The following BIRC6 variants were observed in gnomAD, a reference collection of about 807,000 sequenced individuals.
BIRC6 encodes dual E2 ubiquitin-conjugating enzyme/E3 ubiquitin-protein ligase BIRC6.
In BIRC6, 98 loss-of-function variants were observed where a neutral mutation model predicts 503.3. The observed-to-expected ratio is 0.19, with a 90% CI of 0.17 to 0.23. The LOEUF (loss-of-function observed/expected upper bound fraction) is 0.23. Ranked by LOEUF, BIRC6 falls within the 10% of genes least tolerant of loss-of-function variation. The pLI, the probability that BIRC6 is intolerant of heterozygous loss-of-function variation, is 1.00. For missense variants in BIRC6, 5,360 were observed against 5,806.0 expected (o/e 0.92, Z 2.50); for synonymous variants, 2,240 against 2,078.7 (o/e 1.08, Z -2.11).
intron 66 of BIRC6, among the ~76,000 whole-genome samples, chr2:32,592,787 G>T (rs1000394431): frequency 5.3e-5 from 8 of 151,704 alleles, no homozygotes; most frequent in Non-Finnish European, 1.0e-4. Context: ...TAGAGATGGG[G>T]TTTCTCCATG....
chr2:32,460,739 AG>A (rs1470703765), intron 23 of BIRC6, among the ~76,000 whole-genome samples: 1 of 151,806 alleles, frequency 6.6e-6, no homozygotes, highest in African/African-American at 2.4e-5. Context: ...GTTTGCTTGT[AG>A]TGATTCACTT....
Position 32,561,925 on chromosome 2 carries a change from G to T in BIRC6, c.13144+12444G>T, listed in dbSNP as rs150151156. On this transcript the variant is annotated intron_variant, in intron 65 of 73. Coordinates refer to ENST00000421745, the MANE Select transcript of BIRC6 (RefSeq NM_016252.4). ...GGCGTGGTGGTGGGCCCCTGTAATC[G>T]CAGCTACTCGGGAGGCTGAGGCAGG... is the stretch of plus-strand genomic sequence containing the variant. Among the ~76,000 whole-genome samples the T allele has an allele frequency of 5.0e-4, 76 of 151,580 alleles. 1 individual carries two copies. The East Asian group carries it at 0.014, about 27-fold the overall frequency.
At chr2:32,411,023 C>T (rs1180325765) in intron 9 of BIRC6, among the ~76,000 whole-genome samples, 1 of 151,404 alleles carries the variant, frequency 6.6e-6, no homozygotes, top group Non-Finnish European at 1.5e-5. Context: ...TTCAAACCTT[C>T]ATGGAGTCAC....
At chr2:32,543,139 T>C in intron 61 of BIRC6, 102 bp from the exon 62 acceptor site, 1 of 1,273,084 alleles carries the variant, frequency 7.9e-7, no homozygotes. Flanking sequence ...TATTAATCCT[T>C]ATAATCCTAT....
At chr2:32,587,599 C>T (rs913106240) in intron 66 of BIRC6, among the ~76,000 whole-genome samples, 1 of 152,008 alleles carries the variant, frequency 6.6e-6, no homozygotes, top group Non-Finnish European at 1.5e-5. Flanking sequence ...TGGTGTGCAC[C>T]TGTAATCCTA....
intron 42 of BIRC6, 93 bp downstream of exon 42, chr2:32,488,807 G>A (rs182910502): frequency 2.2e-6 from 2 of 908,032 alleles, no homozygotes; most frequent in African/African-American, 1.7e-5. Flanking sequence ...TGTCATTAGG[G>A]GTTATAACAT....
At position 32,509,958 on chromosome 2, in the gene BIRC6, C is replaced by T. The variant is rs745519690; in HGVS notation, c.10201C>T (p.Leu3401=). ...TGGCCTGAAGCTCATAGACATTCTCCTGAGAAATTGTGCAGCATCAGGCAG... is the reference window on the plus strand; with the variant it reads ...TGGCCTGAAGCTCATAGACATTCTCTTGAGAAATTGTGCAGCATCAGGCAG... ...RIGLKLIDIL[L]RNCAASGSDP... The change falls in exon 52 of 74, where the codon CTG becomes TTG. Residue 3401 remains leucine (L), a synonymous_variant. Transcript: ENST00000421745. 1 of 1,613,970 alleles carries T rather than the reference C, an allele frequency of 6.2e-7. No individual in the cohort carries two copies. Among genetic ancestry groups the T allele is most frequent in the East Asian group, 2.2e-5 (1 of 44,888 alleles).
chr2:32,593,094 A>G (rs1228974496), intron 66 of BIRC6, among the ~76,000 whole-genome samples: 1 of 152,196 alleles, frequency 6.6e-6, no homozygotes. Flanking sequence ...ATACGATTTT[A>G]GTTTGTTTCA....
chr2:32,548,192 CTG>C (rs1049360075), intron 64 of BIRC6, among the ~76,000 whole-genome samples, 178 bp downstream of exon 64: 3 of 152,032 alleles, frequency 2.0e-5, no homozygotes, highest in Non-Finnish European at 2.9e-5. Flanking sequence ...ACTTGTGACT[CTG>C]TATTTCTTCC....
intron 61 of BIRC6, among the ~76,000 whole-genome samples, chr2:32,533,728 G>C (rs1225094399): frequency 2.0e-5 from 3 of 152,158 alleles, no homozygotes; most frequent in Non-Finnish European, 4.4e-5. Flanking sequence ...AAGCATCCAA[G>C]AGCCATGGAA....
rs1455665918 is a variant in BIRC6 at position 32,508,249 on chromosome 2, T to C, written c.9970T>C (p.Ser3324Pro). 1 of 1,252,804 alleles carries C rather than the reference T, an allele frequency of 8.0e-7. No homozygotes were observed. The highest frequency in any genetic ancestry group is 1.2e-5 in the South Asian group (1 of 83,004). The allele number at this position is 1,252,804 out of a possible 1,614,324, so 77.6% of individuals were successfully genotyped here. ...NPFLPSEDQV[S>P]KTSIGWLRLL... ...ATTCCTTCCATCTGAAGATCAGGTATCCAAAACAAGGTATGTTTTGTTTGT... is the reference window on the plus strand; with the variant it reads ...ATTCCTTCCATCTGAAGATCAGGTACCCAAAACAAGGTATGTTTTGTTTGT... Residue 3324 changes from serine to proline, a missense_variant, in exon 51 of 74, where the codon TCC becomes CCC. Ser to Pro is a moderately conservative substitution (Grantham distance 74). Transcript: ENST00000421745.
intron 21 of BIRC6, among the ~76,000 whole-genome samples, chr2:32,446,758 T>TG (rs2046004084): frequency 1.4e-5 from 2 of 138,336 alleles, no homozygotes; most frequent in East Asian, 2.1e-4. Context: ...TTTTTTTTTT[T>TG]TTTTTTTTTT....
intron 66 of BIRC6, chr2:32,591,000 T>C: frequency 4.1e-6 from 4 of 985,426 alleles, no homozygotes; most frequent in Non-Finnish European, 4.8e-6. Flanking sequence ...TTTCATGAGC[T>C]GGGCCTACAT....
Position 32,617,919 on chromosome 2 carries a change from GACTTC to G in BIRC6, c.*17_*21del. On this transcript the variant is annotated 3_prime_UTR_variant, in exon 74 of 74. Coordinates refer to ENST00000421745, the MANE Select transcript of BIRC6 (RefSeq NM_016252.4). ...TCCAGTTATGAGCTGCATTGATGTG[GACTTC>G]ATAGACACAAAGGCTTCGAAGCACA... is the stretch of plus-strand genomic sequence containing the variant. 1.3e-6 allele frequency: 2 copies of G among 1,593,424 alleles called. No homozygotes were observed. The highest frequency in any genetic ancestry group is 1.7e-6 in the Non-Finnish European group (2 of 1,165,554).
At chr2:32,383,403 T>G (rs1035831835) in intron 3 of BIRC6, among the ~76,000 whole-genome samples, 1 of 152,220 alleles carries the variant, frequency 6.6e-6, no homozygotes, top group Non-Finnish European at 1.5e-5. Flanking sequence ...GATATCTAAT[T>G]TCTTTTTTTT....
At chr2:32,585,389 T>G (rs894649612) in intron 66 of BIRC6, among the ~76,000 whole-genome samples, 2 of 152,036 alleles carry the variant, frequency 1.3e-5, no homozygotes, top group African/African-American at 4.8e-5. Flanking sequence ...CTTTTGTTTT[T>G]TTTTTTTTGA....
chr2:32,470,000 G>A (rs2048950241), intron 30 of BIRC6, among the ~76,000 whole-genome samples, 168 bp from the exon 31 acceptor site: 1 of 152,080 alleles, frequency 6.6e-6, no homozygotes, highest in Admixed American at 6.6e-5. Flanking sequence ...ACTAATTTTA[G>A]CTTCATACCT....
intron 23 of BIRC6, 31 bp from the exon 24 acceptor site, chr2:32,463,163 G>A (rs762531765): frequency 1.3e-6 from 2 of 1,543,542 alleles, no homozygotes; most frequent in Non-Finnish European, 8.7e-7. Context: ...GGTGTTTTTT[G>A]TTTTTGTTTT....
rs1558920841 is a variant in BIRC6 at position 32,507,101 on chromosome 2, A to AT, written c.9701-873dup. Among the ~76,000 whole-genome samples, 5 of 152,198 alleles carry AT rather than the reference A, an allele frequency of 3.3e-5. No individual in the cohort carries two copies. In the South Asian group the frequency reaches 1.0e-3, roughly 32 times the overall value. On this transcript the variant is annotated intron_variant, in intron 50 of 73. Coordinates refer to ENST00000421745, the MANE Select transcript of BIRC6 (RefSeq NM_016252.4). ...ACTCCTTAAATTTCAGCAAGAATTG[A>AT]TTTTTTAAAAAAAATCCTGTGGATA...
Sources: allele counts gnomAD v4.1 joint callset (sites outside exome capture counted in the v4.1 genomes callset), GRCh38; gene constraint gnomAD v4.1.1; transcripts MANE v1.5; gene names NCBI Gene and HGNC (gene_info 2026-07-23, HGNC 2026-07-21).